ROBO1: variants seen among roughly 807,000 people sequenced by gnomAD.
ROBO1 encodes roundabout homolog 1.
A neutral mutation model predicts 195.9 loss-of-function variants in ROBO1; 149 were observed. That is an observed-to-expected ratio of 0.76 (90% CI 0.67 to 0.87). ROBO1 has a LOEUF of 0.87. ROBO1 is among the 40% of genes least tolerant of loss of function. ROBO1 has a pLI of 0.00. For missense variants in ROBO1, 1,933 were observed against 2,068.3 expected, an observed-to-expected ratio of 0.93 and a Z score of 1.27; for synonymous variants, 816 against 733.2, an observed-to-expected ratio of 1.11 and a Z score of -1.82.
At chr3:79,170,986 C>G (rs1032593466) in intron 2 of ROBO1, among the ~76,000 whole-genome samples, 1 of 151,736 alleles carries the variant, frequency 6.6e-6, no homozygotes, top group African/African-American at 2.4e-5. Flanking sequence ...TGTACTAGTT[C>G]AAAAGAGCCA....
intron 3 of ROBO1, among the ~76,000 whole-genome samples, chr3:79,101,056 A>T (rs1045546261): frequency 4.6e-5 from 7 of 151,790 alleles, no homozygotes; most frequent in African/African-American, 1.7e-4. Context: ...TATTGAAGGT[A>T]TTTGTGTATT....
intron 5 of ROBO1, among the ~76,000 whole-genome samples, chr3:78,729,413 AAC>A (rs1176229312): frequency 6.6e-6 from 1 of 152,222 alleles, no homozygotes; most frequent in African/African-American, 2.4e-5. Flanking sequence ...AGAAAGAAGT[AAC>A]ACAGCCCTCT....
chr3:79,045,123 C>G (rs1354533219), intron 3 of ROBO1, among the ~76,000 whole-genome samples: 1 of 150,228 alleles, frequency 6.7e-6, no homozygotes, highest in East Asian at 1.9e-4. Flanking sequence ...AAGAATGATG[C>G]CAAAATAAAA....
At chr3:78,671,192 C>CT (rs1480430099) in intron 10 of ROBO1, among the ~76,000 whole-genome samples, 1 of 151,856 alleles carries the variant, frequency 6.6e-6, no homozygotes, top group Non-Finnish European at 1.5e-5. Flanking sequence ...GACATGAAGT[C>CT]TTTTTTAGGG....
intron 2 of ROBO1, among the ~76,000 whole-genome samples, chr3:79,569,261 T>G (rs1323759309): frequency 6.6e-6 from 1 of 152,200 alleles, no homozygotes; most frequent in East Asian, 1.9e-4. Flanking sequence ...TTATTAACAC[T>G]AGGACTAACA....
intron 2 of ROBO1, among the ~76,000 whole-genome samples, chr3:79,258,860 T>C (rs2082885279): frequency 6.6e-6 from 1 of 152,120 alleles, no homozygotes; most frequent in Admixed American, 6.6e-5. Context: ...CTATTAGGGT[T>C]GCCTAATTAG....
intron 4 of ROBO1, among the ~76,000 whole-genome samples, chr3:78,886,101 C>A (rs1315172596): frequency 2.6e-5 from 4 of 150,988 alleles, no homozygotes; most frequent in African/African-American, 4.9e-5. Flanking sequence ...ATAGTTATGT[C>A]AAATATTTAA....
At chr3:79,646,348 C>T (rs1394875208) in intron 1 of ROBO1, among the ~76,000 whole-genome samples, 4 of 152,016 alleles carry the variant, frequency 2.6e-5, no homozygotes, top group East Asian at 1.9e-4. Flanking sequence ...GCAAATCAAA[C>T]GCACAATGAT....
intron 2 of ROBO1, among the ~76,000 whole-genome samples, chr3:79,422,184 TA>T (rs2106943418): frequency 6.8e-6 from 1 of 148,088 alleles, no homozygotes; most frequent in Non-Finnish European, 1.5e-5. Context: ...TATTATATAT[TA>T]TATTATATAT....
chr3:79,416,832 T>A (rs1454398129), intron 2 of ROBO1, among the ~76,000 whole-genome samples: 2 of 152,136 alleles, frequency 1.3e-5, no homozygotes, highest in Non-Finnish European at 2.9e-5. Flanking sequence ...ATTCTGAGCA[T>A]AACCACAGAT....
chr3:79,067,954 G>T (rs1338427455), intron 3 of ROBO1, among the ~76,000 whole-genome samples: 1 of 151,810 alleles, frequency 6.6e-6, no homozygotes, highest in Non-Finnish European at 1.5e-5. Context: ...TTGGCCACAG[G>T]TTTTGTTTCC....
intron 4 of ROBO1, among the ~76,000 whole-genome samples, chr3:78,894,747 T>C (rs1378114337): frequency 6.6e-6 from 1 of 152,200 alleles, no homozygotes. Flanking sequence ...GGCTGCCATA[T>C]GTGGCTGCAG....
intron 2 of ROBO1, among the ~76,000 whole-genome samples, chr3:79,497,930 T>C (rs1057489312): frequency 6.6e-6 from 1 of 152,186 alleles, no homozygotes; most frequent in Non-Finnish European, 1.5e-5. Context: ...TTGTTAGTCA[T>C]ATAATCATAT....
At chr3:78,813,479 TCTTAA>T (rs758225922) in intron 4 of ROBO1, among the ~76,000 whole-genome samples, 2 of 151,564 alleles carry the variant, frequency 1.3e-5, no homozygotes, top group African/African-American at 4.9e-5. Context: ...TTTTACATTT[TCTTAA>T]CTTAAATTAG....
In ROBO1 at chr3:78,777,428, G is replaced by GATAT. The variant is rs34665353; in HGVS notation, c.500-30532_500-30529dup. 5.9e-5 allele frequency among the ~76,000 whole-genome samples: 9 copies of GATAT among 151,756 alleles called. No homozygotes were observed. The South Asian group carries it at 1.3e-3, about 21-fold the overall frequency. ...TTTGTCTGTTTCACAATTTCCTTATGATATATATACAACCAATGCCATCTG... is the reference window on the plus strand; with the variant it reads ...TTTGTCTGTTTCACAATTTCCTTATGATATATATATATACAACCAATGCCATCTG... On this transcript the variant is annotated intron_variant, in intron 4 of 30. Transcript: ENST00000464233.
At chr3:79,229,746 T>C (rs76965497) in intron 2 of ROBO1, among the ~76,000 whole-genome samples, 4,807 of 152,216 alleles carry the variant, frequency 0.032, 222 homozygotes, top group African/African-American at 0.11. Flanking sequence ...AGTTATTTTG[T>C]GACATGATAA....
chr3:79,551,579 G>A (rs1220748036), intron 2 of ROBO1, among the ~76,000 whole-genome samples: 2 of 151,844 alleles, frequency 1.3e-5, no homozygotes, highest in Non-Finnish European at 2.9e-5. Context: ...CTTTGATGTC[G>A]GTGGGGGCTG....
At chr3:78,884,145 C>T (rs536649977) in intron 4 of ROBO1, among the ~76,000 whole-genome samples, 45 of 152,102 alleles carry the variant, frequency 3.0e-4, no homozygotes, top group African/African-American at 8.9e-4. Flanking sequence ...CAGTTAGATG[C>T]CAAGCAAAGG....
At chr3:78,884,897 T>C (rs932261346) in intron 4 of ROBO1, among the ~76,000 whole-genome samples, 4 of 151,878 alleles carry the variant, frequency 2.6e-5, no homozygotes, top group African/African-American at 4.8e-5. Context: ...TGTGTGTATT[T>C]CTCTTCTGTA....
Sources: gnomAD v4.1 joint callset for allele counts (sites outside exome capture counted in the v4.1 genomes callset) on GRCh38, gnomAD v4.1.1 for gene constraint, MANE v1.5 for transcripts, NCBI Gene and HGNC (gene_info 2026-07-23, HGNC 2026-07-21) for gene names.